The following MEF2A variants were observed in gnomAD, a reference collection of about 807,000 sequenced individuals.
MEF2A encodes myocyte-specific enhancer factor 2A.
A neutral mutation model predicts 55.8 loss-of-function variants in MEF2A; 28 were observed. That is an observed-to-expected ratio of 0.50 (90% confidence interval 0.37 to 0.69). The LOEUF is 0.69. Ranked by LOEUF, MEF2A falls within the 30% of genes least tolerant of loss-of-function variation. MEF2A has a pLI of 0.00. For synonymous variants in MEF2A, 239 were observed against 227.1 expected (o/e 1.05, Z -0.47); for missense variants, 528 against 626.2 (o/e 0.84, Z 1.67).
At chr15:99,613,149 T>C (rs1312267935) in intron 2 of MEF2A, among the ~76,000 whole-genome samples, 2 of 152,228 alleles carry the variant, frequency 1.3e-5, no homozygotes, top group Admixed American at 1.3e-4. Flanking sequence ...GGCTGTGAAC[T>C]AAAGACGTAC....
chr15:99,626,625 G>C (rs1482839057), intron 2 of MEF2A, among the ~76,000 whole-genome samples: 1 of 151,930 alleles, frequency 6.6e-6, no homozygotes, highest in Non-Finnish European at 1.5e-5. Context: ...TTTAACCTTT[G>C]TATTTCCAAA....
chr15:99,674,373 T>G lies in MEF2A; in HGVS notation c.391-20T>G, dbSNP rs528037822. 361 of 1,578,266 alleles carry G rather than the reference T, an allele frequency of 2.3e-4. 5 individuals are homozygous for G. In the South Asian group the frequency reaches 4.0e-3, roughly 17 times the overall value. Reference sequence around the variant, plus strand: ...GAATACGAAACCAACAGTTTTTTCCTTCTTTTTCTTTATTTACAGCCTGGT... The same window carrying G: ...GAATACGAAACCAACAGTTTTTTCCGTCTTTTTCTTTATTTACAGCCTGGT... On this transcript the variant is annotated intron_variant, in intron 5 of 11. Coordinates refer to ENST00000557942, the MANE Select transcript of MEF2A (RefSeq NM_001319206.4).
chr15:99,638,440 A>G (rs1195978892), intron 3 of MEF2A, among the ~76,000 whole-genome samples: 1 of 152,010 alleles, frequency 6.6e-6, no homozygotes. Flanking sequence ...ACGGTTTTGT[A>G]TCCCATACAT....
intron 1 of MEF2A, among the ~76,000 whole-genome samples, chr15:99,588,655 G>C (rs1381037748): frequency 6.6e-6 from 1 of 151,194 alleles, no homozygotes; most frequent in Non-Finnish European, 1.5e-5. Context: ...TGTTGCCCAG[G>C]CTGTTCTCAA....
chr15:99,634,253 G>T (rs1835361266), intron 3 of MEF2A, among the ~76,000 whole-genome samples: 1 of 152,208 alleles, frequency 6.6e-6, no homozygotes, highest in Non-Finnish European at 1.5e-5. Flanking sequence ...GAGAGATGAG[G>T]GTTGCCCATA....
At chr15:99,580,784 T>C (rs1268972554) in intron 1 of MEF2A, among the ~76,000 whole-genome samples, 2 of 152,258 alleles carry the variant, frequency 1.3e-5, no homozygotes, top group Non-Finnish European at 2.9e-5. Context: ...AGGTAACTTC[T>C]AAACTTGTGA....
rs943470138 is a variant in MEF2A, at chr15:99,713,465, A to G, written c.*694A>G. 1.5e-4 allele frequency: 23 copies of G among 154,214 alleles called. No homozygotes were observed. The highest frequency in any genetic ancestry group is 1.4e-3 in the Admixed American group (22 of 15,356). The allele number at this position is 154,214 out of a possible 1,614,324, so 9.6% of individuals were successfully genotyped here. On this transcript the variant is annotated 3_prime_UTR_variant, in exon 12 of 12. Coordinates refer to ENST00000557942, the MANE Select transcript of MEF2A (RefSeq NM_001319206.4). ...ATATTCAGAAAATACTAGCCTAGAA[A>G]TATAGAGCATTAACAAAGTAAAATT...
At chr15:99,695,498 CA>C (rs1352141899) in intron 8 of MEF2A, among the ~76,000 whole-genome samples, 1 of 150,230 alleles carries the variant, frequency 6.7e-6, no homozygotes, top group Non-Finnish European at 1.5e-5. Context: ...TAAGTAATCA[CA>C]TTGAATGTGG....
intron 2 of MEF2A, among the ~76,000 whole-genome samples, chr15:99,612,641 A>C (rs954943770): frequency 6.6e-6 from 1 of 152,144 alleles, no homozygotes; most frequent in South Asian, 2.1e-4. Flanking sequence ...CCTTGAGCCT[A>C]GGAGGTTGAA....
intron 10 of MEF2A, among the ~76,000 whole-genome samples, chr15:99,708,347 G>C (rs2058264228): frequency 6.6e-6 from 1 of 152,238 alleles, no homozygotes; most frequent in African/African-American, 2.4e-5. Flanking sequence ...CTGGGTGTCA[G>C]ATTATGGTTT....
chr15:99,605,032 A>T (rs1347529065), intron 2 of MEF2A, among the ~76,000 whole-genome samples: 1 of 151,876 alleles, frequency 6.6e-6, no homozygotes, highest in Admixed American at 6.6e-5. Context: ...TGCAACCTCC[A>T]CCTCCCAGGT....
At chr15:99,587,789 C>G (rs1967839481) in intron 1 of MEF2A, among the ~76,000 whole-genome samples, 1 of 152,012 alleles carries the variant, frequency 6.6e-6, no homozygotes, top group Non-Finnish European at 1.5e-5. Flanking sequence ...ATCTTGTATC[C>G]TATACCCTTG....
At chr15:99,701,467 G>T (rs920048751) in intron 8 of MEF2A, among the ~76,000 whole-genome samples, 1 of 152,208 alleles carries the variant, frequency 6.6e-6, no homozygotes, top group African/African-American at 2.4e-5. Flanking sequence ...GGAGACGAAG[G>T]AGATGTGAGA....
chr15:99,612,641 A>G (rs954943770), intron 2 of MEF2A, among the ~76,000 whole-genome samples: 2 of 152,144 alleles, frequency 1.3e-5, no homozygotes, highest in African/African-American at 4.8e-5. Context: ...CCTTGAGCCT[A>G]GGAGGTTGAA....
chr15:99,682,185 T>A (rs2053373029), intron 7 of MEF2A, among the ~76,000 whole-genome samples: 1 of 152,182 alleles, frequency 6.6e-6, no homozygotes. Flanking sequence ...AATGCATTAT[T>A]TCAGCTGATG....
At chr15:99,634,178 T>C (rs755130898) in intron 3 of MEF2A, among the ~76,000 whole-genome samples, 3 of 152,134 alleles carry the variant, frequency 2.0e-5, no homozygotes, top group Non-Finnish European at 4.4e-5. Flanking sequence ...TGAGTAGTAA[T>C]TCACTGGAAT....
At chr15:99,566,888 C>G (rs2152651954) in intron 1 of MEF2A, among the ~76,000 whole-genome samples, 1 of 152,326 alleles carries the variant, frequency 6.6e-6, no homozygotes, top group Admixed American at 6.5e-5. Flanking sequence ...CAGGGAACCG[C>G]TGGCTGAACC....
intron 4 of MEF2A, among the ~76,000 whole-genome samples, chr15:99,657,930 A>C (rs1371621483): frequency 6.6e-6 from 1 of 152,180 alleles, no homozygotes. Context: ...ACATTCAAGA[A>C]AACTAGTGCC....
At chr15:99,620,733 T>C (rs2041011647) in intron 2 of MEF2A, among the ~76,000 whole-genome samples, 2 of 152,196 alleles carry the variant, frequency 1.3e-5, no homozygotes, top group African/African-American at 2.4e-5. Context: ...GGTAGTTCTG[T>C]TTTAAGTTCT....
Sources: gnomAD v4.1 joint callset for allele counts (sites outside exome capture counted in the v4.1 genomes callset) on GRCh38, gnomAD v4.1.1 for gene constraint, MANE v1.5 for transcripts, NCBI Gene and HGNC (gene_info 2026-07-23, HGNC 2026-07-21) for gene names.